Variants in MFSD1 observed in about 807,000 individuals in gnomAD.
MFSD1 encodes the protein major facilitator superfamily domain containing 1.
In MFSD1, 59 loss-of-function variants were observed where a neutral mutation model predicts 67.1. The ratio of observed to expected loss-of-function variants is 0.88; its 90% CI spans 0.71 to 1.09. The LOEUF (loss-of-function observed/expected upper bound fraction) is 1.09, where lower values mean the gene tolerates loss of function less well. Among genes scored for constraint, MFSD1 ranks in the 50% least tolerant of loss-of-function variants. The pLI is 0.00. For missense variants in MFSD1, 552 were observed against 566.1 expected, an observed-to-expected ratio of 0.97 and a Z score of 0.25; for synonymous variants, 213 against 200.3, an observed-to-expected ratio of 1.06 and a Z score of -0.54.
rs765911705 is a variant in MFSD1, at chr3:158,820,340, A to G, written c.863+14A>G. 2 of 1,502,394 alleles carry G rather than the reference A, an allele frequency of 1.3e-6. No homozygotes were observed. The highest frequency in any genetic ancestry group is 1.9e-6 in the Non-Finnish European group (2 of 1,079,568). 93.1% of individuals were successfully genotyped at this position (1,502,394 alleles called of 1,614,324 possible). A position where few individuals can be genotyped will look rare whatever the true frequency, so the allele number is the denominator to read the frequency against. On this transcript the variant is annotated intron_variant, in intron 9 of 15. Transcript: ENST00000415822. ...TGGACTTGGGAAGTGAGTATTCTCT[A>G]TGTTTCCATTATTTCTTGTCTAAAT...
At chr3:158,811,379 C>T (rs971440692) in intron 6 of MFSD1, among the ~76,000 whole-genome samples, 2 of 152,164 alleles carry the variant, frequency 1.3e-5, no homozygotes, top group African/African-American at 4.8e-5. Context: ...GTTGAGTAGG[C>T]AGTTGCATAT....
At chr3:158,816,534 T>A (rs1730357010) in intron 7 of MFSD1, among the ~76,000 whole-genome samples, 1 of 152,064 alleles carries the variant, frequency 6.6e-6, no homozygotes, top group African/African-American at 2.4e-5. Context: ...GAGTTCATTG[T>A]AGATTCTGGA....
At chr3:158,825,655 T>C (rs1219968243) in intron 13 of MFSD1, among the ~76,000 whole-genome samples, 2 of 152,144 alleles carry the variant, frequency 1.3e-5, no homozygotes, top group African/African-American at 4.8e-5. Flanking sequence ...TCCTCTGAAA[T>C]GATAAACAAT....
At chr3:158,819,395 T>G (rs1304075259) in intron 7 of MFSD1, among the ~76,000 whole-genome samples, 1 of 152,256 alleles carries the variant, frequency 6.6e-6, no homozygotes, top group Non-Finnish European at 1.5e-5. Context: ...ACTAGTTTTT[T>G]CTAGTCTTTT....
chr3:158,820,272 T>C lies in MFSD1; in HGVS notation c.809T>C (p.Phe270Ser), dbSNP rs1730605872. The change falls in exon 9 of 16, where the codon TTT becomes TCT. Residue 270 changes from phenylalanine (F) to serine (S), a missense_variant. Coordinates refer to ENST00000415822, the MANE Select transcript of MFSD1 (RefSeq NM_022736.4). ...TTCTCCTTACCCCTGTGGCTTATATTTATCATCTGTGTCTGCTATTATGTT... is the reference window on the plus strand; with the variant it reads ...TTCTCCTTACCCCTGTGGCTTATATCTATCATCTGTGTCTGCTATTATGTT... ...KDFSLPLWLI[F>S]IICVCYYVAV... The C allele has an allele frequency of 6.2e-7, 1 of 1,612,062 alleles. No individual in the cohort carries two copies. The highest frequency in any genetic ancestry group is 1.3e-5 in the African/African-American group (1 of 74,892).
intron 14 of MFSD1, 98 bp downstream of exon 14, chr3:158,826,160 C>A: frequency 2.3e-6 from 2 of 851,752 alleles, no homozygotes; most frequent in South Asian, 1.5e-5. Flanking sequence ...TTATTCCATG[C>A]AGTAATGACT....
Position 158,822,090 on chromosome 3 carries a change from G to T in MFSD1, c.1027G>T (p.Val343Leu). 6.2e-7 allele frequency: 1 copy of T among 1,613,958 alleles called. No homozygotes were observed. Among genetic ancestry groups the T allele is most frequent in the Non-Finnish European group, 8.5e-7 (1 of 1,179,890 alleles). The change falls in exon 11 of 16, where the codon GTG (valine) becomes TTG (leucine). Residue 343 changes from valine to leucine, a missense_variant. Val to Leu is a conservative substitution (Grantham distance 32). Coordinates refer to ENST00000415822, the MANE Select transcript of MFSD1 (RefSeq NM_022736.4). ...TCTTTGCGCAGTAGCAGCCACTCTT[G>T]TGTCCCACATGATGCTGGCCTTTAC... is the stretch of plus-strand genomic sequence containing the variant. ...WVLCAVAATL[V>L]SHMMLAFTMW... is the part of the protein sequence containing the mutation.
chr3:158,809,171 AT>A lies in MFSD1; in HGVS notation c.441-3del, dbSNP rs752837937. 3.0e-6 allele frequency: 4 copies of A among 1,329,026 alleles called. No homozygotes were observed. In the South Asian group the frequency reaches 7.4e-5, roughly 25 times the overall value. The allele number at this position is 1,329,026 out of a possible 1,614,324, so 82.3% of individuals were successfully genotyped here. On this transcript the variant is annotated splice_polypyrimidine_tract_variant and splice_region_variant and intron_variant, in intron 5 of 15. Transcript: ENST00000415822. Reference sequence around the variant, plus strand: ...ACTTCTGGTTTTTTTTTTTTTTTCTATTTTTAGGATTGGTGGCGAGTCCTTA... The same window carrying A: ...ACTTCTGGTTTTTTTTTTTTTTTCTATTTTAGGATTGGTGGCGAGTCCTTA...
At position 158,823,451 on chromosome 3, in the gene MFSD1, A is replaced by G; in HGVS notation, c.1101A>G (p.Ser367=). The G allele has an allele frequency of 6.2e-7, 1 of 1,613,560 alleles. No homozygotes were observed. Among genetic ancestry groups the G allele is most frequent in the Non-Finnish European group, 8.5e-7 (1 of 1,179,610 alleles). ...IAMCLLGLSY[S]LLACALWPMV... ...AGTGTCTTCTGGGACTCTCCTACTC[A>G]TTGCTTGCCTGTGCATTGTGGCCAA... Residue 367 remains serine (S), a synonymous_variant, in exon 12 of 16, where the codon TCA becomes TCG. Transcript: ENST00000415822.
intron 1 of MFSD1, 93 bp downstream of exon 1, chr3:158,802,408 G>A (rs1224730713): frequency 1.1e-5 from 15 of 1,425,750 alleles, no homozygotes; most frequent in South Asian, 2.3e-5. Flanking sequence ...GTGCCACGGG[G>A]CCTCAGCGCA....
At chr3:158,822,217 C>T (rs1178885277) in intron 11 of MFSD1, 77 bp downstream of exon 11, 30 of 1,406,870 alleles carry the variant, frequency 2.1e-5, no homozygotes, top group Non-Finnish European at 2.7e-5. Flanking sequence ...TAGGCACGCT[C>T]AGCAAATTCA....
At chr3:158,827,197 T>A in intron 14 of MFSD1, 83 bp from the exon 15 acceptor site, 1 of 778,590 alleles carries the variant, frequency 1.3e-6, no homozygotes, top group Non-Finnish European at 2.1e-6. Context: ...TCTATGCAAA[T>A]GGTTGCATGT....
intron 7 of MFSD1, among the ~76,000 whole-genome samples, chr3:158,818,023 T>C (rs2108224759): frequency 6.6e-6 from 1 of 152,280 alleles, no homozygotes; most frequent in South Asian, 2.1e-4. Flanking sequence ...ATGGTGCTAG[T>C]TGCTGGGTGG....
chr3:158,824,183 T>G lies in MFSD1; in HGVS notation c.1235T>G (p.Leu412Arg), dbSNP rs1276130277. 1 of 1,613,816 alleles carries G rather than the reference T, an allele frequency of 6.2e-7. No individual in the cohort carries two copies. The highest frequency in any genetic ancestry group is 1.7e-5 in the Admixed American group (1 of 59,976). ...AIISIIAGMI[L>R]DSRGYLFLEV... is the part of the protein sequence containing the mutation. ...ATTTCCATCATTGCTGGTATGATAC[T>G]GGATTCTCGGGGGTATTTGTTTTTG... Residue 412 changes from leucine to arginine, a missense_variant, in exon 13 of 16, where the codon CTG becomes CGG. Transcript: ENST00000415822.
intron 8 of MFSD1, among the ~76,000 whole-genome samples, chr3:158,820,001 A>G (rs1730591720): frequency 1.3e-5 from 2 of 152,246 alleles, no homozygotes; most frequent in African/African-American, 4.8e-5. Flanking sequence ...GGAGCAGGAA[A>G]GGTAGATGCC....
intron 5 of MFSD1, 40 bp downstream of exon 5, chr3:158,807,503 G>A (rs1279554074): frequency 3.4e-6 from 5 of 1,468,236 alleles, no homozygotes; most frequent in Non-Finnish European, 4.8e-6. Flanking sequence ...ATGTATTATT[G>A]TTTTAGTGTT....
At chr3:158,824,439 A>G (rs1290092755) in intron 13 of MFSD1, 1 of 528,140 alleles carries the variant, frequency 1.9e-6, no homozygotes, top group South Asian at 2.5e-5. Context: ...AGTTGGTTTC[A>G]TATTCTGTTT....
chr3:158,821,829 G>A (rs759436305), intron 10 of MFSD1, among the ~76,000 whole-genome samples, 155 bp from the exon 11 acceptor site: 21 of 152,308 alleles, frequency 1.4e-4, no homozygotes, highest in Non-Finnish European at 2.5e-4. Flanking sequence ...GAAAACCAAA[G>A]AAGTCTTGAA....
At chr3:158,824,904 T>A (rs1418143536) in intron 13 of MFSD1, among the ~76,000 whole-genome samples, 1 of 152,220 alleles carries the variant, frequency 6.6e-6, no homozygotes, top group Admixed American at 6.5e-5. Flanking sequence ...GATAATTGCT[T>A]ATGAGTTGCC....
Sources: gnomAD v4.1 joint callset for allele counts (sites outside exome capture counted in the v4.1 genomes callset) on GRCh38, gnomAD v4.1.1 for gene constraint, MANE v1.5 for transcripts, NCBI Gene and HGNC (gene_info 2026-07-23, HGNC 2026-07-21) for gene names.